ASIC2: variants seen among roughly 807,000 people sequenced by gnomAD.
ASIC2 encodes the protein acid-sensing ion channel 2.
Under a neutral mutation model 57.3 loss-of-function variants are expected in ASIC2, and 25 were observed. That is an observed-to-expected ratio of 0.44 (90% CI 0.32 to 0.61). The LOEUF (loss-of-function observed/expected upper bound fraction) is 0.61. ASIC2 is among the 20% of genes least tolerant of loss of function. The pLI is 0.06. For synonymous variants in ASIC2, 319 were observed against 307.5 expected (o/e 1.04, Z -0.39); for missense variants, 641 against 738.1 (o/e 0.87, Z 1.52).
intron 1 of ASIC2, among the ~76,000 whole-genome samples, chr17:33,466,042 T>C (rs1912853779): frequency 6.6e-6 from 1 of 152,248 alleles, no homozygotes; most frequent in Non-Finnish European, 1.5e-5. Context: ...AAGTAGGATA[T>C]GGATTATTTG....
intron 1 of ASIC2, among the ~76,000 whole-genome samples, chr17:33,755,627 A>G (rs923870240): frequency 6.6e-6 from 1 of 152,226 alleles, no homozygotes; most frequent in Admixed American, 6.5e-5. Context: ...AATCTACCAA[A>G]CACTGTGCTC....
At chr17:33,688,415 G>A (rs1047551001) in intron 1 of ASIC2, among the ~76,000 whole-genome samples, 4 of 152,138 alleles carry the variant, frequency 2.6e-5, no homozygotes, top group African/African-American at 7.2e-5. Context: ...AATAGTTTCC[G>A]ACAGAATGAA....
At chr17:33,721,004 C>T (rs1909372099) in intron 1 of ASIC2, among the ~76,000 whole-genome samples, 1 of 152,172 alleles carries the variant, frequency 6.6e-6, no homozygotes, top group Non-Finnish European at 1.5e-5. Flanking sequence ...CCATATAAAA[C>T]TCTAAGTGCA....
intron 1 of ASIC2, among the ~76,000 whole-genome samples, chr17:33,188,271 T>A (rs1906280333): frequency 6.6e-6 from 1 of 152,052 alleles, no homozygotes; most frequent in African/African-American, 2.4e-5. Context: ...CTATCCAGAA[T>A]GATACACAAA....
intron 3 of ASIC2, among the ~76,000 whole-genome samples, chr17:33,031,560 G>T (rs1251612116): frequency 2.6e-5 from 4 of 152,272 alleles, no homozygotes; most frequent in African/African-American, 9.6e-5. Context: ...CACCTGAAAA[G>T]TATATGCATT....
intron 1 of ASIC2, among the ~76,000 whole-genome samples, chr17:33,443,388 T>C (rs1052106475): frequency 6.7e-6 from 1 of 148,918 alleles, no homozygotes; most frequent in Admixed American, 6.8e-5. Context: ...ACTTTTTTTA[T>C]GTATGGTGGA....
intron 1 of ASIC2, among the ~76,000 whole-genome samples, chr17:33,168,185 T>C (rs942795867): frequency 6.6e-6 from 1 of 152,224 alleles, no homozygotes; most frequent in Non-Finnish European, 1.5e-5. Context: ...CTTACCAGCC[T>C]CAGAACTGGG....
intron 1 of ASIC2, among the ~76,000 whole-genome samples, chr17:33,822,464 A>G (rs1380026879): frequency 6.6e-6 from 1 of 152,308 alleles, no homozygotes; most frequent in East Asian, 1.9e-4. Context: ...CATATTTCTC[A>G]TCATCTTTTA....
At position 34,156,628 on chromosome 17, in the gene ASIC2, G is replaced by C. The variant is rs1225970220; in HGVS notation, c.-96C>G. ...GCTCTGCTTAAACCTTGACGTTCAG[G>C]GGAGAGAACGCAAGGCAAGCATCGC... On this transcript the variant is annotated 5_prime_UTR_variant, in exon 1 of 10. Coordinates refer to the ASIC2 transcript ENST00000359872. This position sits in a 1 kb window ranked among gnomAD's most constrained non-coding sequence, Gnocchi z 4.4. 1.5e-5 allele frequency: 20 copies of C among 1,311,104 alleles called. No homozygotes were observed. The highest frequency in any genetic ancestry group is 2.1e-5 in the Non-Finnish European group (20 of 969,518). The allele number at this position is 1,311,104 out of a possible 1,614,324, so 81.2% of individuals were successfully genotyped here. A position where few individuals can be genotyped will look rare whatever the true frequency, so the allele number is the denominator to read the frequency against.
At chr17:33,418,062 G>GTGTGTA in intron 1 of ASIC2, among the ~76,000 whole-genome samples, 1 of 133,734 alleles carries the variant, frequency 7.5e-6, no homozygotes, top group Non-Finnish European at 1.7e-5. Flanking sequence ...GTGTGTGTGT[G>GTGTGTA]TGTGTGTGTG....
At position 33,206,325 on chromosome 17, in the gene ASIC2, C is replaced by T. The variant is rs138214034; in HGVS notation, c.708+85083G>A. Among the ~76,000 whole-genome samples, 744 of 152,218 alleles carry T rather than the reference C, an allele frequency of 4.9e-3. 6 individuals are homozygous for T. Among genetic ancestry groups the T allele is most frequent in the African/African-American group, 0.017 (717 of 41,526 alleles). On this transcript the variant is annotated intron_variant, in intron 1 of 9. Coordinates refer to ENST00000225823, the MANE Select transcript of ASIC2 (RefSeq NM_183377.2). Reference sequence around the variant, plus strand: ...GGGAGGGAGGGAGAGGGAAGGCCACCACTTGTTGGCTGCTCTGCATTCATG... The same window carrying T: ...GGGAGGGAGGGAGAGGGAAGGCCACTACTTGTTGGCTGCTCTGCATTCATG...
At chr17:33,945,774 A>C (rs943943226) in intron 1 of ASIC2, among the ~76,000 whole-genome samples, 4 of 152,150 alleles carry the variant, frequency 2.6e-5, no homozygotes, top group African/African-American at 9.7e-5. Flanking sequence ...ACATCAATCC[A>C]CTTTCCAACG....
At chr17:34,085,697 T>A (rs982687394) in intron 1 of ASIC2, among the ~76,000 whole-genome samples, 3 of 152,282 alleles carry the variant, frequency 2.0e-5, no homozygotes, top group Non-Finnish European at 4.4e-5. Flanking sequence ...AAGCTATTGA[T>A]TATTGCCACA....
At chr17:33,516,498 A>G (rs1234552447) in intron 1 of ASIC2, among the ~76,000 whole-genome samples, 1 of 152,074 alleles carries the variant, frequency 6.6e-6, no homozygotes, top group Non-Finnish European at 1.5e-5. Flanking sequence ...CTAACTACAC[A>G]TTAGATTCTC....
intron 1 of ASIC2, among the ~76,000 whole-genome samples, chr17:33,636,767 C>T (rs59293075): frequency 0.035 from 5,351 of 152,108 alleles, 305 homozygotes; most frequent in African/African-American, 0.12. Flanking sequence ...AGCTCAGACA[C>T]TTGCATGGCA....
At chr17:33,975,790 G>T (rs1423156519) in intron 1 of ASIC2, among the ~76,000 whole-genome samples, 1 of 151,952 alleles carries the variant, frequency 6.6e-6, no homozygotes, top group East Asian at 1.9e-4. Context: ...TTCCTTCTGT[G>T]CACCTCACCT....
chr17:33,474,985 C>T (rs928940591), intron 1 of ASIC2, among the ~76,000 whole-genome samples: 2 of 152,126 alleles, frequency 1.3e-5, no homozygotes, highest in African/African-American at 2.4e-5. Context: ...CCAGGCTGTC[C>T]ACCTCCAATC....
At position 33,292,461 on chromosome 17, in the gene ASIC2, C is replaced by T; in HGVS notation, c.-346G>A. 2 of 985,652 alleles carry T rather than the reference C, an allele frequency of 2.0e-6. No homozygotes were observed. Among genetic ancestry groups the T allele is most frequent in the Non-Finnish European group, 2.4e-6 (2 of 830,170 alleles). 61.1% of individuals were successfully genotyped at this position (985,652 alleles called of 1,614,324 possible). On this transcript the variant is annotated 5_prime_UTR_variant, in exon 1 of 10. Transcript: ENST00000225823. ...TCCCACTGGGAGCCGCCTCTCCAGTCCCTGGGTGCTGCGCCCGCCTTCCCT... is the reference window on the plus strand; with the variant it reads ...TCCCACTGGGAGCCGCCTCTCCAGTTCCTGGGTGCTGCGCCCGCCTTCCCT...
At chr17:33,776,021 T>C (rs1051494104) in intron 1 of ASIC2, among the ~76,000 whole-genome samples, 1 of 151,472 alleles carries the variant, frequency 6.6e-6, no homozygotes, top group African/African-American at 2.4e-5. Context: ...TAGTTCCAAC[T>C]ACTTGGGAGG....
Sources: allele counts gnomAD v4.1 joint callset (sites outside exome capture counted in the v4.1 genomes callset), GRCh38; gene constraint gnomAD v4.1.1; non-coding constraint Gnocchi (gnomAD v3.1); transcripts MANE v1.5; gene names NCBI Gene and HGNC (gene_info 2026-07-23, HGNC 2026-07-21).